SLCO1B1: variants seen among roughly 807,000 people sequenced by gnomAD.
SLCO1B1 encodes the protein OATP-2.
Under a neutral mutation model 70.1 loss-of-function variants are expected in SLCO1B1, and 81 were observed. The ratio of observed to expected loss-of-function variants is 1.16; its 90% CI spans 0.97 to 1.39. SLCO1B1 has a LOEUF of 1.39. Among genes scored for constraint, SLCO1B1 ranks in the 40% most tolerant of loss-of-function variants. The probability of loss-of-function intolerance (pLI) is 0.00; values close to 1 mark genes in which losing one functional copy is unlikely to be tolerated. For synonymous variants in SLCO1B1, 283 were observed against 271.5 expected (o/e 1.04, Z -0.42); for missense variants, 895 against 799.6 (o/e 1.12, Z -1.44).
Position 21,222,285 on chromosome 12 carries a change from T to G in SLCO1B1, c.1683-15T>G, listed in dbSNP as rs1941430494. 7.2e-7 allele frequency: 1 copy of G among 1,384,386 alleles called. No homozygotes were observed. Among genetic ancestry groups the G allele is most frequent in the African/African-American group, 1.5e-5 (1 of 67,928 alleles). The allele number at this position is 1,384,386 out of a possible 1,614,324, so 85.8% of individuals were successfully genotyped here. A position where few individuals can be genotyped will look rare whatever the true frequency, so the allele number is the denominator to read the frequency against. On this transcript the variant is annotated splice_polypyrimidine_tract_variant and intron_variant, in intron 12 of 14. Coordinates refer to ENST00000256958, the MANE Select transcript of SLCO1B1 (RefSeq NM_006446.5). ...TAATGATATTTAATGTTTCTTTGCC[T>G]TTGTCTTGTTTCAGAATTGTTCAAC...
intron 11 of SLCO1B1, among the ~76,000 whole-genome samples, 178 bp from the exon 12 acceptor site, chr12:21,216,941 G>A (rs1423688474): frequency 1.3e-5 from 2 of 152,100 alleles, no homozygotes; most frequent in African/African-American, 4.8e-5. Context: ...TATATAGAAA[G>A]AAATCCACAA....
chr12:21,178,879 T>C (rs1298398099), intron 6 of SLCO1B1, 43 bp from the exon 7 acceptor site: 1 of 1,439,340 alleles, frequency 6.9e-7, no homozygotes, highest in South Asian at 1.1e-5. Context: ...ATAAGAACCA[T>C]GCATTCTTGG....
In SLCO1B1 at chr12:21,199,252, A is replaced by G. The variant is rs7136150; in HGVS notation, c.971-1256A>G. Among the ~76,000 whole-genome samples the G allele has an allele frequency of 3.1e-3, 476 of 152,142 alleles. 6 individuals carry two copies. Among genetic ancestry groups the G allele is most frequent in the African/African-American group, 0.011 (456 of 41,542 alleles). On this transcript the variant is annotated intron_variant, in intron 8 of 14. Coordinates refer to ENST00000256958, the MANE Select transcript of SLCO1B1 (RefSeq NM_006446.5). Reference sequence around the variant, plus strand: ...AATATTTCAAAGTCCGTATCATCCAACTCTCAGTAACCATATCTTGGCTCT... The same window carrying G: ...AATATTTCAAAGTCCGTATCATCCAGCTCTCAGTAACCATATCTTGGCTCT...
chr12:21,169,561 G>A (rs1176899057), intron 2 of SLCO1B1, among the ~76,000 whole-genome samples: 1 of 152,004 alleles, frequency 6.6e-6, no homozygotes, highest in East Asian at 1.9e-4. Context: ...CAGAATTTCT[G>A]TTTGGTTCTT....
At chr12:21,214,328 G>A (rs868521659) in intron 11 of SLCO1B1, among the ~76,000 whole-genome samples, 4 of 151,106 alleles carry the variant, frequency 2.6e-5, no homozygotes, top group Admixed American at 1.3e-4. Flanking sequence ...GCCGTGTGAG[G>A]TGTCAGTGTG....
intron 1 of SLCO1B1, among the ~76,000 whole-genome samples, chr12:21,136,517 GC>G (rs1240289370): frequency 6.6e-6 from 1 of 152,118 alleles, no homozygotes; most frequent in African/African-American, 2.4e-5. Flanking sequence ...TTTCTTGGAG[GC>G]TTTGTTCGTT....
Position 21,209,475 on chromosome 12 carries a change from G to T in SLCO1B1, c.1497+3442G>T, listed in dbSNP as rs1382571251. On this transcript the variant is annotated intron_variant, in intron 11 of 14. Transcript: ENST00000256958. Reference sequence around the variant, plus strand: ...GTCTATCACTGTTGGACATTTGGGTGGGTTCCAAGTCTTTGCTATTGTGAA... The same window carrying T: ...GTCTATCACTGTTGGACATTTGGGTTGGTTCCAAGTCTTTGCTATTGTGAA... 4.6e-5 allele frequency among the ~76,000 whole-genome samples: 7 copies of T among 152,176 alleles called. No homozygotes were observed. The South Asian group carries it at 6.2e-4, about 14-fold the overall frequency.
intron 14 of SLCO1B1, among the ~76,000 whole-genome samples, chr12:21,236,060 A>G (rs1275980188): frequency 6.6e-6 from 1 of 152,222 alleles, no homozygotes; most frequent in East Asian, 1.9e-4. Context: ...AGTATCTCAT[A>G]CTATAGTATG....
At position 21,179,031 on chromosome 12, in the gene SLCO1B1, C is replaced by T. The variant is rs768044924; in HGVS notation, c.727+11C>T. On this transcript the variant is annotated intron_variant, in intron 7 of 14. Coordinates refer to ENST00000256958, the MANE Select transcript of SLCO1B1 (RefSeq NM_006446.5). ...GATATGTAGATCTAAGTAAGTACAA[C>T]CAGAACAAGGTACCATGATAACGTC... 4.0e-6 allele frequency: 6 copies of T among 1,514,318 alleles called. No individual in the cohort carries two copies. Among genetic ancestry groups the T allele is most frequent in the Admixed American group, 1.7e-5 (1 of 59,860 alleles). The allele number at this position is 1,514,318 out of a possible 1,614,324, so 93.8% of individuals were successfully genotyped here.
intron 13 of SLCO1B1, among the ~76,000 whole-genome samples, chr12:21,223,783 C>T (rs1735288608): frequency 6.6e-6 from 1 of 151,994 alleles, no homozygotes; most frequent in Non-Finnish European, 1.5e-5. Context: ...TTAGTTGCAC[C>T]ATCTTAAGGA....
At chr12:21,201,843 C>T (rs1007128108) in intron 9 of SLCO1B1, among the ~76,000 whole-genome samples, 1 of 152,146 alleles carries the variant, frequency 6.6e-6, no homozygotes, top group African/African-American at 2.4e-5. Context: ...TACCACCATA[C>T]TGCTATATCA....
chr12:21,237,090 C>A (rs907971741), intron 14 of SLCO1B1, among the ~76,000 whole-genome samples: 1 of 152,032 alleles, frequency 6.6e-6, no homozygotes, highest in Non-Finnish European at 1.5e-5. Context: ...TATACTTGTT[C>A]TTTGATCCTA....
chr12:21,155,786 C>T (rs774264212), intron 2 of SLCO1B1, among the ~76,000 whole-genome samples: 2 of 152,090 alleles, frequency 1.3e-5, no homozygotes, highest in African/African-American at 2.4e-5. Context: ...CCCCTGAATG[C>T]GAAATTGCTT....
intron 1 of SLCO1B1, among the ~76,000 whole-genome samples, chr12:21,134,703 A>G (rs1048442990): frequency 6.6e-5 from 10 of 151,786 alleles, no homozygotes; most frequent in Admixed American, 5.2e-4. Flanking sequence ...TTTTTATTGC[A>G]TCTATTTGAT....
Position 21,220,821 on chromosome 12 carries a change from A to AG in SLCO1B1, c.1683-1479_1683-1478insG, listed in dbSNP as rs902325737. On this transcript the variant is annotated intron_variant, in intron 12 of 14. Coordinates refer to ENST00000256958, the MANE Select transcript of SLCO1B1 (RefSeq NM_006446.5). ...AGACAGAGCAAGACTGGTCTAAAAA[A>AG]AAAAAAAAAGAAAAGAAAACCACAA... Among the ~76,000 whole-genome samples the AG allele has an allele frequency of 9.8e-5, 14 of 143,502 alleles. No individual in the cohort carries two copies. The East Asian group carries it at 2.2e-3, about 23-fold the overall frequency. 94.1% of individuals were successfully genotyped at this position (143,502 alleles called of 152,430 possible). A position where few individuals can be genotyped will look rare whatever the true frequency, so the allele number is the denominator to read the frequency against.
At chr12:21,158,751 C>A (rs774481032) in intron 2 of SLCO1B1, among the ~76,000 whole-genome samples, 20 of 151,856 alleles carry the variant, frequency 1.3e-4, no homozygotes, top group African/African-American at 2.4e-5. Context: ...AACATAAATT[C>A]AAGATTTATA....
intron 11 of SLCO1B1, among the ~76,000 whole-genome samples, chr12:21,211,716 C>T (rs1416269725): frequency 2.0e-5 from 3 of 152,154 alleles, no homozygotes; most frequent in East Asian, 1.9e-4. Context: ...TGGTAAGCTA[C>T]TGATTATTGC....
intron 7 of SLCO1B1, among the ~76,000 whole-genome samples, chr12:21,183,640 C>A (rs1350067122): frequency 6.6e-6 from 1 of 152,124 alleles, no homozygotes; most frequent in Non-Finnish European, 1.5e-5. Context: ...GAACACCATT[C>A]CTTCAAGATG....
At chr12:21,154,327 G>A (rs896498010) in intron 2 of SLCO1B1, among the ~76,000 whole-genome samples, 2 of 152,030 alleles carry the variant, frequency 1.3e-5, no homozygotes, top group Admixed American at 1.3e-4. Context: ...CCTTATGAAA[G>A]AGACCCAATA....
Sources: allele counts gnomAD v4.1 joint callset (sites outside exome capture counted in the v4.1 genomes callset), GRCh38; gene constraint gnomAD v4.1.1; transcripts MANE v1.5; gene names NCBI Gene and HGNC (gene_info 2026-07-23, HGNC 2026-07-21).